The following TRPM1 variants were observed in gnomAD, a reference collection of about 807,000 sequenced individuals.
The protein encoded by TRPM1 is transient receptor potential cation channel subfamily M member 1.
In TRPM1, 113 loss-of-function variants were observed where a neutral mutation model predicts 149.4. The ratio of observed to expected loss-of-function variants is 0.76; its 90% CI spans 0.65 to 0.88. The LOEUF (loss-of-function observed/expected upper bound fraction) is 0.88, where lower values mean the gene tolerates loss of function less well. Among genes scored for constraint, TRPM1 ranks in the 40% least tolerant of loss-of-function variants. The pLI, the probability that TRPM1 is intolerant of heterozygous loss-of-function variation, is 0.00. For synonymous variants in TRPM1, 741 were observed against 759.5 expected (o/e 0.98, Z 0.40); for missense variants, 1,976 against 2,038.7 (o/e 0.97, Z 0.59).
At chr15:31,107,763 AT>A in intron 1 of TRPM1, among the ~76,000 whole-genome samples, 1 of 151,928 alleles carries the variant, frequency 6.6e-6, no homozygotes, top group South Asian at 2.1e-4. Flanking sequence ...ATCTTAAGAT[AT>A]TTTATAACTT....
In TRPM1 at chr15:31,035,616, C is replaced by T. The variant is rs766972340; in HGVS notation, c.2630G>A (p.Gly877Asp). 1.2e-6 allele frequency: 2 copies of T among 1,614,186 alleles called. No individual in the cohort carries two copies. Among genetic ancestry groups the T allele is most frequent in the Non-Finnish European group, 1.7e-6 (2 of 1,180,034 alleles). ...FNYVILVRMDGWPSLQEWIVI... is the reference protein window; with the variant it reads ...FNYVILVRMDDWPSLQEWIVI... ...GATCCACTCCTGGAGGGACGGCCAGCCATCCATCCGCACCAGGATGACGTA... is the reference window on the plus strand; with the variant it reads ...GATCCACTCCTGGAGGGACGGCCAGTCATCCATCCGCACCAGGATGACGTA... The change falls in exon 21 of 28, where the codon GGC becomes GAC. Residue 877 changes from glycine to aspartate, a missense_variant. Transcript: ENST00000256552.
Position 31,031,536 on chromosome 15 carries a change from C to T in TRPM1, c.2953-379G>A, listed in dbSNP as rs532630170. 3.9e-5 allele frequency among the ~76,000 whole-genome samples: 6 copies of T among 152,272 alleles called. No individual in the cohort carries two copies. In the South Asian group the frequency reaches 6.2e-4, roughly 16 times the overall value. The stretch of plus-strand genomic sequence containing the variant: ...GGAGCAGATACCTAAGGAAATAAAA[C>T]GATAATGAATTGAGAGTATAGACCA... On this transcript the variant is annotated intron_variant, in intron 22 of 27. Coordinates refer to ENST00000256552, the MANE Select transcript of TRPM1 (RefSeq NM_001252024.2).
intron 1 of TRPM1, among the ~76,000 whole-genome samples, chr15:31,125,420 G>T (rs577240006): frequency 6.6e-5 from 10 of 152,172 alleles, no homozygotes; most frequent in African/African-American, 2.4e-4. Context: ...CTCTGAAAAA[G>T]AAATTCTAGC....
intron 11 of TRPM1, among the ~76,000 whole-genome samples, chr15:31,057,606 A>G (rs1192586697): frequency 6.6e-6 from 1 of 152,232 alleles, no homozygotes; most frequent in African/African-American, 2.4e-5. Context: ...TTTTAAGGTA[A>G]TATCTGTATG....
chr15:31,015,402 A>G (rs2032323793), intron 27 of TRPM1, among the ~76,000 whole-genome samples: 2 of 149,842 alleles, frequency 1.3e-5, no homozygotes, highest in Non-Finnish European at 3.0e-5. Context: ...ACAGAGCGAG[A>G]CTCCGTCTTA....
chr15:31,020,703 A>C (rs1223475117), intron 27 of TRPM1, among the ~76,000 whole-genome samples: 1 of 152,100 alleles, frequency 6.6e-6, no homozygotes, highest in African/African-American at 2.4e-5. Flanking sequence ...ATGTATGTGG[A>C]CTTTTCATTA....
intron 21 of TRPM1, among the ~76,000 whole-genome samples, 167 bp downstream of exon 21, chr15:31,035,379 C>A (rs1216384192): frequency 6.6e-6 from 1 of 152,226 alleles, no homozygotes; most frequent in East Asian, 1.9e-4. Context: ...TTCCTGACCT[C>A]AAGTGATCCA....
chr15:31,132,606 C>G (rs955216957), intron 1 of TRPM1, among the ~76,000 whole-genome samples: 5 of 152,220 alleles, frequency 3.3e-5, no homozygotes, highest in Non-Finnish European at 5.9e-5. Context: ...CTGGACTCTC[C>G]TTCTGGGTGA....
At chr15:31,106,717 C>T (rs1596076144), upstream of TRPM1, among the ~76,000 whole-genome samples, 1 of 152,142 alleles carries the variant, frequency 6.6e-6, no homozygotes, top group East Asian at 1.9e-4. Flanking sequence ...GGCTCTTGGT[C>T]TCTACAAATA....
chr15:31,071,206 G>A (rs905375604), intron 3 of TRPM1, among the ~76,000 whole-genome samples: 1 of 152,204 alleles, frequency 6.6e-6, no homozygotes, highest in African/African-American at 2.4e-5. Context: ...TGAAAAGTTT[G>A]TTAGGAAGAA....
chr15:31,043,469 G>C lies in TRPM1; in HGVS notation c.1795-1226C>G, dbSNP rs1028982919. 2.0e-5 allele frequency among the ~76,000 whole-genome samples: 3 copies of C among 152,288 alleles called. No individual in the cohort carries two copies. In the South Asian group the frequency reaches 6.2e-4, roughly 32 times the overall value. ...GGCCTCCCAAAGTGCTGGGATTGTA[G>C]CCATGAGCCACCACGCCCGGCCACG... On this transcript the variant is annotated intron_variant, in intron 16 of 27. Transcript: ENST00000256552.
At chr15:31,112,271 G>C (rs990651605) in intron 1 of TRPM1, among the ~76,000 whole-genome samples, 7 of 152,150 alleles carry the variant, frequency 4.6e-5, no homozygotes, top group Non-Finnish European at 1.0e-4. Flanking sequence ...CTGAGGTTGG[G>C]AGTTTGAGAT....
chr15:31,116,692 C>T (rs919137902), intron 1 of TRPM1, among the ~76,000 whole-genome samples: 1 of 152,040 alleles, frequency 6.6e-6, no homozygotes, highest in African/African-American at 2.4e-5. Context: ...TGTATAATTC[C>T]AGAGGGTCAC....
chr15:31,131,929 C>T (rs2036021405), intron 1 of TRPM1, among the ~76,000 whole-genome samples: 1 of 150,988 alleles, frequency 6.6e-6, no homozygotes, highest in Non-Finnish European at 1.5e-5. Flanking sequence ...AAATGAAAAT[C>T]GCCAAAATGA....
At chr15:31,146,784 C>T (rs997095515) in intron 1 of TRPM1, among the ~76,000 whole-genome samples, 2 of 152,226 alleles carry the variant, frequency 1.3e-5, no homozygotes, top group South Asian at 2.1e-4. Context: ...GTCAGGAGTT[C>T]GAGACCAGCC....
rs372151677 is a variant in TRPM1 at position 31,038,175 on chromosome 15, C to G, written c.2317-9G>C. 39 of 1,613,728 alleles carry G rather than the reference C, an allele frequency of 2.4e-5. No individual in the cohort carries two copies. Among genetic ancestry groups the G allele is most frequent in the Non-Finnish European group, 3.2e-5 (38 of 1,179,868 alleles). ...AGAATCCCCATGATAACCTACGGAA[C>G]ATAAATTGATTTTTTAAGCTGTGGC... On this transcript the variant is annotated splice_polypyrimidine_tract_variant and intron_variant, in intron 18 of 27. Coordinates refer to ENST00000256552, the MANE Select transcript of TRPM1 (RefSeq NM_001252024.2).
chr15:31,072,014 T>C (rs200627879), intron 3 of TRPM1, among the ~76,000 whole-genome samples: 1 of 28,284 alleles, frequency 3.5e-5, no homozygotes, highest in African/African-American at 1.3e-4. Flanking sequence ...TATATATATA[T>C]ATATAGAGAG....
chr15:31,086,365 C>T (rs894412479), intron 1 of TRPM1, among the ~76,000 whole-genome samples: 1 of 152,232 alleles, frequency 6.6e-6, no homozygotes, highest in African/African-American at 2.4e-5. Context: ...CCACTGCTCC[C>T]CATTTACAGA....
chr15:31,031,613 A>G (rs187657312), intron 22 of TRPM1, among the ~76,000 whole-genome samples: 1 of 152,204 alleles, frequency 6.6e-6, no homozygotes, highest in Non-Finnish European at 1.5e-5. Context: ...GTTACTGTGG[A>G]TACTAAACTG....
Sources: allele counts gnomAD v4.1 joint callset (sites outside exome capture counted in the v4.1 genomes callset), GRCh38; gene constraint gnomAD v4.1.1; transcripts MANE v1.5; gene names NCBI Gene and HGNC (gene_info 2026-07-23, HGNC 2026-07-21).